Variants in RPS6KA5 observed in about 807,000 individuals in gnomAD.
RPS6KA5 encodes ribosomal protein S6 kinase A5.
In RPS6KA5, 27 loss-of-function variants were observed where a neutral mutation model predicts 85.5. That is an observed-to-expected ratio of 0.32 (90% CI 0.23 to 0.44). The LOEUF is 0.44. Among genes scored for constraint, RPS6KA5 ranks in the 20% least tolerant of loss-of-function variants. The pLI is 1.00. For missense variants in RPS6KA5, 811 were observed against 980.9 expected, an observed-to-expected ratio of 0.83 and a Z score of 2.31; for synonymous variants, 334 against 348.2, an observed-to-expected ratio of 0.96 and a Z score of 0.46.
At chr14:90,961,978 C>T (rs1379343737) in intron 3 of RPS6KA5, among the ~76,000 whole-genome samples, 1 of 152,164 alleles carries the variant, frequency 6.6e-6, no homozygotes, top group African/African-American at 2.4e-5. Context: ...ATTAGAACCT[C>T]AAAGTATCTG....
chr14:90,942,364 C>T (rs565502261), intron 5 of RPS6KA5, among the ~76,000 whole-genome samples: 18 of 152,162 alleles, frequency 1.2e-4, no homozygotes, highest in East Asian at 1.9e-4. Flanking sequence ...TAGATAGAAA[C>T]GAAACTAACA....
intron 1 of RPS6KA5, among the ~76,000 whole-genome samples, chr14:91,020,534 C>CTG (rs34407471): frequency 0.024 from 2,623 of 109,972 alleles, 94 homozygotes; most frequent in African/African-American, 0.028. Context: ...TAAGGAATGA[C>CTG]TGTGTGTGTG....
intron 1 of RPS6KA5, among the ~76,000 whole-genome samples, chr14:91,053,126 A>T (rs373658680): frequency 6.6e-6 from 1 of 152,216 alleles, no homozygotes; most frequent in Admixed American, 6.5e-5. Flanking sequence ...ATCTTAATAG[A>T]TGCAGAAAAA....
At chr14:90,982,638 T>C (rs868398040) in intron 2 of RPS6KA5, among the ~76,000 whole-genome samples, 5 of 152,234 alleles carry the variant, frequency 3.3e-5, no homozygotes, top group Admixed American at 6.5e-5. Context: ...GTTAATCTTA[T>C]CAACTACATC....
chr14:91,005,962 T>G (rs1427629099), intron 1 of RPS6KA5, among the ~76,000 whole-genome samples: 2 of 152,078 alleles, frequency 1.3e-5, no homozygotes, highest in African/African-American at 4.8e-5. Context: ...GATCAGACTG[T>G]GCCAGAAACA....
rs1247975812 is a variant in RPS6KA5 at position 90,947,477 on chromosome 14, A to G, written c.468T>C (p.Ile156=). ...RERFTEHEVQ[I]YVGEIVLALE... Reference sequence around the variant, plus strand: ...GGGCAAGCACAATCTCTCCAACATAAATCTGCACCTCATGCTCTGTGAAAC... The same window carrying G: ...GGGCAAGCACAATCTCTCCAACATAGATCTGCACCTCATGCTCTGTGAAAC... The change falls in exon 4 of 17, where the codon ATT becomes ATC. Residue 156 remains isoleucine (I), a synonymous_variant. Coordinates refer to ENST00000614987, the MANE Select transcript of RPS6KA5 (RefSeq NM_004755.4). 1.2e-6 allele frequency: 2 copies of G among 1,612,816 alleles called. No individual in the cohort carries two copies. The highest frequency in any genetic ancestry group is 2.2e-5 in the South Asian group (2 of 91,032).
intron 7 of RPS6KA5, among the ~76,000 whole-genome samples, chr14:90,915,226 TA>T (rs931107834): frequency 2.6e-5 from 4 of 152,210 alleles, no homozygotes; most frequent in Admixed American, 6.5e-5. Context: ...GGGCTCATGG[TA>T]GGCAGACTTT....
intron 2 of RPS6KA5, among the ~76,000 whole-genome samples, chr14:90,983,233 C>T (rs1273344937): frequency 5.4e-5 from 8 of 148,010 alleles, no homozygotes; most frequent in East Asian, 4.0e-4. Context: ...GCCAAGGTCG[C>T]GCCATTTCAC....
chr14:90,983,083 G>A (rs577152774), intron 2 of RPS6KA5, among the ~76,000 whole-genome samples: 493 of 149,972 alleles, frequency 3.3e-3, no homozygotes, highest in Non-Finnish European at 5.3e-3. Context: ...ACTGCACTCC[G>A]GCCTGGGCAA....
At chr14:90,925,180 C>T (rs531566783) in intron 5 of RPS6KA5, among the ~76,000 whole-genome samples, 2 of 152,276 alleles carry the variant, frequency 1.3e-5, no homozygotes, top group African/African-American at 4.8e-5. Context: ...TGACCTAGTG[C>T]TGTGGCTGCA....
Position 90,978,304 on chromosome 14 carries a change from ACCT to A in RPS6KA5, c.393_394+1del. The A allele has an allele frequency of 6.3e-7, 1 of 1,594,298 alleles. No individual in the cohort carries two copies. The highest frequency in any genetic ancestry group is 8.5e-7 in the Non-Finnish European group (1 of 1,171,992). On this transcript the variant is annotated splice_donor_variant and coding_sequence_variant, in exon 3 of 17. Coordinates refer to ENST00000614987, the MANE Select transcript of RPS6KA5 (RefSeq NM_004755.4). LOFTEE classifies it high-confidence loss of function. Reference sequence around the variant, plus strand: ...AAAAGTCTGATAACAACTGACACTTACCTAAAATGAGATGAAGTTTGGTTTCTG... The same window carrying A: ...AAAAGTCTGATAACAACTGACACTTAAAAATGAGATGAAGTTTGGTTTCTG...
At chr14:90,948,045 C>CT (rs886185472) in intron 3 of RPS6KA5, among the ~76,000 whole-genome samples, 1 of 152,186 alleles carries the variant, frequency 6.6e-6, no homozygotes, top group Non-Finnish European at 1.5e-5. Flanking sequence ...AATAGACACC[C>CT]TTTTATTTAG....
At chr14:90,957,017 AC>A (rs2038556114) in intron 3 of RPS6KA5, among the ~76,000 whole-genome samples, 1 of 140,486 alleles carries the variant, frequency 7.1e-6, no homozygotes, top group Non-Finnish European at 1.5e-5. Flanking sequence ...TCTGATTCCA[AC>A]CCCCTACTTC....
intron 7 of RPS6KA5, among the ~76,000 whole-genome samples, chr14:90,918,701 G>A (rs1019615039): frequency 4.6e-5 from 7 of 152,178 alleles, no homozygotes; most frequent in African/African-American, 1.7e-4. Flanking sequence ...TATATGGTAT[G>A]AAGTATTTCT....
chr14:91,007,849 A>G (rs753342323), intron 1 of RPS6KA5, among the ~76,000 whole-genome samples: 1 of 152,146 alleles, frequency 6.6e-6, no homozygotes, highest in South Asian at 2.1e-4. Context: ...TCTTCATAAA[A>G]TTATCCAGGT....
intron 7 of RPS6KA5, among the ~76,000 whole-genome samples, chr14:90,910,712 G>A (rs10132787): frequency 0.015 from 2,193 of 149,466 alleles, 69 homozygotes; most frequent in African/African-American, 0.052. Flanking sequence ...TTGAGACAGA[G>A]TCTGGCTCTG....
At chr14:90,883,747 G>C (rs1251505984) in intron 14 of RPS6KA5, among the ~76,000 whole-genome samples, 1 of 151,982 alleles carries the variant, frequency 6.6e-6, no homozygotes, top group Non-Finnish European at 1.5e-5. Context: ...GGTACCTCTG[G>C]GAATCAAAAT....
intron 14 of RPS6KA5, among the ~76,000 whole-genome samples, chr14:90,877,710 T>C (rs991540462): frequency 3.3e-5 from 5 of 152,132 alleles, no homozygotes; most frequent in African/African-American, 1.2e-4. Context: ...CCATTTTTTT[T>C]CTTCAGCTGG....
intron 7 of RPS6KA5, among the ~76,000 whole-genome samples, chr14:90,910,449 TATTCATGGTAGA>T (rs1205404263): frequency 9.2e-5 from 14 of 152,056 alleles, no homozygotes; most frequent in African/African-American, 3.4e-4. Flanking sequence ...GATGATGAAA[TATTCATGGTAGA>T]ATTTAGGTAG....
Sources: gnomAD v4.1 joint callset for allele counts (sites outside exome capture counted in the v4.1 genomes callset) on GRCh38, gnomAD v4.1.1 for gene constraint, MANE v1.5 for transcripts, NCBI Gene and HGNC (gene_info 2026-07-23, HGNC 2026-07-21) for gene names.